EPB41L3: variants seen among roughly 807,000 people sequenced by gnomAD.
The protein encoded by EPB41L3 is erythrocyte membrane protein band 4.1 like 3.
In EPB41L3, 57 loss-of-function variants were observed where a neutral mutation model predicts 127.1. The ratio of observed to expected loss-of-function variants is 0.45; its 90% CI spans 0.36 to 0.56. EPB41L3 has a LOEUF of 0.56. EPB41L3 is among the 20% of genes least tolerant of loss of function. The pLI is 0.00. For synonymous variants in EPB41L3, 572 were observed against 549.5 expected (o/e 1.04, Z -0.57); for missense variants, 1,273 against 1,372.2 (o/e 0.93, Z 1.14).
At chr18:5,572,701 G>A (rs1192407987) in intron 3 of EPB41L3, among the ~76,000 whole-genome samples, 1 of 152,112 alleles carries the variant, frequency 6.6e-6, no homozygotes, top group African/African-American at 2.4e-5. Flanking sequence ...AGTATCCCAA[G>A]TAGCTGGGAA....
upstream of EPB41L3, among the ~76,000 whole-genome samples, chr18:5,548,934 C>T (rs2093925078): frequency 1.3e-5 from 2 of 152,050 alleles, no homozygotes; most frequent in Non-Finnish European, 2.9e-5. Context: ...CACTTTTCCC[C>T]CAAAAGACAA....
In EPB41L3 at chr18:5,522,214, C is replaced by T. The variant is rs1247733021; in HGVS notation, c.-12+21699G>A. Among the ~76,000 whole-genome samples, 8 of 152,296 alleles carry T rather than the reference C, an allele frequency of 5.3e-5. No homozygotes were observed. In the South Asian group the frequency reaches 1.7e-3, roughly 32 times the overall value. On this transcript the variant is annotated intron_variant, in intron 1 of 22. Transcript: ENST00000341928. ...CGCCTCCCAGGTTCAAGCAATTCTT[C>T]TGCCTCAGCCTCCCGAGTAGCTGGG...
intron 3 of EPB41L3, among the ~76,000 whole-genome samples, chr18:5,609,381 A>T (rs912633229): frequency 9.2e-5 from 14 of 152,272 alleles, no homozygotes; most frequent in African/African-American, 3.1e-4. Flanking sequence ...ATTGAAAAAC[A>T]TTTTTTTGTA....
At chr18:5,513,682 A>G (rs1319856215) in intron 1 of EPB41L3, among the ~76,000 whole-genome samples, 1 of 152,246 alleles carries the variant, frequency 6.6e-6, no homozygotes, top group East Asian at 1.9e-4. Flanking sequence ...GATATTAATC[A>G]TATCAGCAAA....
intron 1 of EPB41L3, among the ~76,000 whole-genome samples, chr18:5,628,581 C>T (rs1179550900): frequency 1.3e-5 from 2 of 152,252 alleles, no homozygotes; most frequent in Non-Finnish European, 2.9e-5. Context: ...GGACGCCGCC[C>T]TTCGCTCCCG....
intron 3 of EPB41L3, among the ~76,000 whole-genome samples, chr18:5,605,219 C>G (rs563472392): frequency 6.6e-6 from 1 of 152,268 alleles, no homozygotes; most frequent in South Asian, 2.1e-4. Flanking sequence ...TCCCTCTGCC[C>G]AGCCCTGCTT....
chr18:5,528,328 C>T (rs143421043), intron 1 of EPB41L3, among the ~76,000 whole-genome samples: 124 of 152,154 alleles, frequency 8.1e-4, no homozygotes, highest in African/African-American at 2.8e-3. Context: ...CACACCACCA[C>T]GCCTGGCTAA....
At chr18:5,593,300 G>C (rs9962302) in intron 3 of EPB41L3, among the ~76,000 whole-genome samples, 16 of 151,460 alleles carry the variant, frequency 1.1e-4, no homozygotes, top group Non-Finnish European at 1.2e-4. Flanking sequence ...GCAACAGCCG[G>C]TTTGAGAAAT....
At chr18:5,500,179 T>G (rs766740663) in intron 1 of EPB41L3, among the ~76,000 whole-genome samples, 12 of 152,158 alleles carry the variant, frequency 7.9e-5, no homozygotes, top group Non-Finnish European at 1.8e-4. Flanking sequence ...TGTTTAAAAT[T>G]TCCAAGCATT....
At chr18:5,489,230 G>C (rs781033176) in intron 1 of EPB41L3, 36 bp from the exon 2 acceptor site, 7 of 1,563,624 alleles carry the variant, frequency 4.5e-6, no homozygotes, top group Middle Eastern at 2.2e-4. Flanking sequence ...AGGTCACTCC[G>C]TGCCACTACC....
At chr18:5,461,549 C>T (rs1357708240) in intron 3 of EPB41L3, among the ~76,000 whole-genome samples, 1 of 152,156 alleles carries the variant, frequency 6.6e-6, no homozygotes, top group East Asian at 1.9e-4. Flanking sequence ...AAGAAGAAAC[C>T]TGCACCAATC....
intron 1 of EPB41L3, among the ~76,000 whole-genome samples, chr18:5,503,192 G>A (rs1320772670): frequency 6.6e-6 from 1 of 151,994 alleles, no homozygotes; most frequent in African/African-American, 2.4e-5. Flanking sequence ...CCATTCTACT[G>A]TCTTAACTTA....
chr18:5,442,095 G>A (rs1245893210), intron 5 of EPB41L3, among the ~76,000 whole-genome samples: 1 of 152,058 alleles, frequency 6.6e-6, no homozygotes, highest in Non-Finnish European at 1.5e-5. Flanking sequence ...AATCAGCTCA[G>A]TATTCCATTA....
At position 5,570,989 on chromosome 18, in the gene EPB41L3, A is replaced by G. The variant is rs566891531; in HGVS notation, c.-306+41351T>C. The G allele has an allele frequency of 3.9e-5, 6 of 152,330 alleles. No homozygotes were observed. In the East Asian group the frequency reaches 1.2e-3, roughly 29 times the overall value. 9.4% of individuals were successfully genotyped at this position (152,330 alleles called of 1,614,324 possible). A position where few individuals can be genotyped will look rare whatever the true frequency, so the allele number is the denominator to read the frequency against. On this transcript the variant is annotated intron_variant, in intron 3 of 21. Transcript: ENST00000545076. The stretch of plus-strand genomic sequence containing the variant: ...CTTATCAAATGCCAAGTATTTAGAG[A>G]CATTTTTTTCTTTCTGAATATAAGT...
chr18:5,479,347 T>G (rs1266446826), intron 2 of EPB41L3, among the ~76,000 whole-genome samples: 1 of 152,220 alleles, frequency 6.6e-6, no homozygotes, highest in Non-Finnish European at 1.5e-5. Context: ...AGAATTCTGT[T>G]TAGGGCTTTG....
chr18:5,482,892 T>C (rs150992050), intron 2 of EPB41L3, among the ~76,000 whole-genome samples: 2 of 152,184 alleles, frequency 1.3e-5, no homozygotes, highest in African/African-American at 4.8e-5. Context: ...AAACCACTAA[T>C]GTGCAAAAAA....
chr18:5,525,528 G>A (rs192511796), intron 1 of EPB41L3, among the ~76,000 whole-genome samples: 15 of 152,214 alleles, frequency 9.9e-5, no homozygotes, highest in African/African-American at 3.4e-4. Flanking sequence ...ACTTGCCTAT[G>A]GCTGCAATAT....
chr18:5,574,373 A>T (rs2094315440), intron 3 of EPB41L3, among the ~76,000 whole-genome samples: 1 of 123,888 alleles, frequency 8.1e-6, no homozygotes, highest in Non-Finnish European at 1.8e-5. Context: ...GAGCCTGGCT[A>T]GAATCAGTTT....
rs199616331 is a variant in EPB41L3 at position 5,394,687 on chromosome 18, T to A, written c.3260A>T (p.Asp1087Val). The stretch of plus-strand genomic sequence containing the variant: ...GGCATCACCTCTTACCTCTGGTCAA[T>A]CCTCTCCATCTTCTGGTGTGATCTC... ...ETEITPEDGE[D>V] The change falls in exon 22 of 23, where the codon GAT becomes GTT. Residue 1087 changes from aspartate to valine, a missense_variant. Around this residue, in one of 3 missense-constraint regions of EPB41L3, gnomAD observed 765 missense variants for 782.9 expected, o/e 0.98. Transcript: ENST00000341928. 8.7e-6 allele frequency: 14 copies of A among 1,613,820 alleles called. No individual in the cohort carries two copies. In the East Asian group the frequency reaches 3.1e-4, roughly 36 times the overall value.
Sources: allele counts gnomAD v4.1 joint callset (sites outside exome capture counted in the v4.1 genomes callset), GRCh38; gene constraint gnomAD v4.1.1; regional missense constraint gnomAD v4.1.1; transcripts MANE v1.5; gene names NCBI Gene and HGNC (gene_info 2026-07-23, HGNC 2026-07-21).